NGEF: variants seen among roughly 807,000 people sequenced by gnomAD.
NGEF encodes neuronal guanine nucleotide exchange factor.
A neutral mutation model predicts 80.9 loss-of-function variants in NGEF; 31 were observed. The observed-to-expected ratio is 0.38, with a 90% confidence interval of 0.29 to 0.52. NGEF has a LOEUF of 0.52. Among genes scored for constraint, NGEF ranks in the 20% least tolerant of loss-of-function variants. The pLI, the probability that NGEF is intolerant of heterozygous loss-of-function variation, is 0.84. For missense variants in NGEF, 709 were observed against 926.2 expected, an observed-to-expected ratio of 0.77 and a Z score of 3.04; for synonymous variants, 371 against 370.2, an observed-to-expected ratio of 1.00 and a Z score of -0.03.
At chr2:232,964,633 A>G (rs1302988514) in intron 3 of NGEF, among the ~76,000 whole-genome samples, 1 of 152,216 alleles carries the variant, frequency 6.6e-6, no homozygotes, top group Non-Finnish European at 1.5e-5. Flanking sequence ...GGTTGCAGTG[A>G]ACTGAGATTT....
At chr2:232,946,290 T>G (rs1693556543) in intron 3 of NGEF, among the ~76,000 whole-genome samples, 1 of 150,862 alleles carries the variant, frequency 6.6e-6, no homozygotes, top group South Asian at 2.1e-4. Context: ...GGGGGAAGGT[T>G]GGGAAGGGGG....
chr2:232,880,370 T>TTA (rs1691456564), intron 14 of NGEF, among the ~76,000 whole-genome samples: 5 of 152,340 alleles, frequency 3.3e-5, no homozygotes, highest in South Asian at 2.1e-4. Context: ...GCATGCCCTC[T>TTA]GCAGGTCTCA....
At chr2:232,889,203 T>G (rs898113363) in intron 8 of NGEF, among the ~76,000 whole-genome samples, 1 of 152,234 alleles carries the variant, frequency 6.6e-6, no homozygotes, top group Non-Finnish European at 1.5e-5. Context: ...TCCAAATCCC[T>G]GCTGAACAGC....
intron 3 of NGEF, among the ~76,000 whole-genome samples, chr2:232,969,487 TCCTCCCTC>T (rs1261682260): frequency 8.9e-6 from 1 of 112,398 alleles, no homozygotes; most frequent in African/African-American, 3.5e-5. Context: ...CTTCCTTCCT[TCCTCCCTC>T]CCTCCCTCCC....
chr2:232,975,350 G>A (rs1035549032), intron 1 of NGEF, among the ~76,000 whole-genome samples: 36 of 152,326 alleles, frequency 2.4e-4, no homozygotes, highest in African/African-American at 7.9e-4. Flanking sequence ...CTCAGAAGAT[G>A]AGAAAGGGTT....
At chr2:233,009,450 C>T (rs1326858833) in intron 1 of NGEF, among the ~76,000 whole-genome samples, 1 of 152,104 alleles carries the variant, frequency 6.6e-6, no homozygotes, top group Non-Finnish European at 1.5e-5. Context: ...TCCAGAGTAG[C>T]TGGGACTACA....
chr2:232,991,033 A>C (rs1694639930), intron 1 of NGEF, among the ~76,000 whole-genome samples: 1 of 145,934 alleles, frequency 6.9e-6, no homozygotes, highest in Admixed American at 6.6e-5. Context: ...AAAATTCAAC[A>C]ACCCTTCATA....
chr2:232,980,645 C>A (rs897172576), intron 1 of NGEF, among the ~76,000 whole-genome samples: 1 of 152,028 alleles, frequency 6.6e-6, no homozygotes, highest in African/African-American at 2.4e-5. Context: ...ATTATAGGTG[C>A]CTATCACCGT....
At chr2:232,997,451 T>C (rs1359811958) in intron 1 of NGEF, among the ~76,000 whole-genome samples, 1 of 151,988 alleles carries the variant, frequency 6.6e-6, no homozygotes, top group Non-Finnish European at 1.5e-5. Flanking sequence ...ACTGTCAAAG[T>C]GAAGTGAAGC....
chr2:232,982,006 G>C (rs1463283144), intron 1 of NGEF, among the ~76,000 whole-genome samples: 1 of 152,198 alleles, frequency 6.6e-6, no homozygotes, highest in Non-Finnish European at 1.5e-5. Context: ...AAGTGGCAGA[G>C]CCCATTGCAG....
chr2:232,883,068 C>T (rs976357226), intron 12 of NGEF, among the ~76,000 whole-genome samples: 1 of 150,040 alleles, frequency 6.7e-6, no homozygotes, highest in African/African-American at 2.4e-5. Context: ...CACACACACA[C>T]ACACACACAC....
intron 5 of NGEF, among the ~76,000 whole-genome samples, chr2:232,903,672 T>C (rs894287825): frequency 1.3e-5 from 2 of 152,224 alleles, no homozygotes; most frequent in African/African-American, 4.8e-5. Context: ...GCTGACGTTT[T>C]AGGTAATGGC....
intron 6 of NGEF, among the ~76,000 whole-genome samples, chr2:232,893,416 C>A (rs1691946314): frequency 6.6e-6 from 1 of 152,206 alleles, no homozygotes; most frequent in Non-Finnish European, 1.5e-5. Context: ...GAGCAGCGCA[C>A]ATGGACATCT....
chr2:232,934,298 G>A (rs1693283182), intron 3 of NGEF, among the ~76,000 whole-genome samples: 1 of 151,382 alleles, frequency 6.6e-6, no homozygotes, highest in African/African-American at 2.4e-5. Context: ...GCAAACATAG[G>A]ACTGCCTGGT....
rs559728827 is a variant in NGEF, at chr2:232,932,637, G to A, written c.384-5451C>T. ...TTCAGGCAAAGTGCTGTAGTCTGGG[G>A]GCCTATAAACAACAGAAATTTATTT... is the stretch of plus-strand genomic sequence containing the variant. On this transcript the variant is annotated intron_variant, in intron 3 of 14. Coordinates refer to ENST00000264051, the MANE Select transcript of NGEF (RefSeq NM_019850.3). Among the ~76,000 whole-genome samples, 3 of 152,102 alleles carry A rather than the reference G, an allele frequency of 2.0e-5. No homozygotes were observed. The South Asian group carries it at 6.2e-4, about 32-fold the overall frequency.
intron 5 of NGEF, among the ~76,000 whole-genome samples, chr2:232,895,561 G>A (rs886305839): frequency 6.6e-5 from 10 of 151,300 alleles, no homozygotes; most frequent in Middle Eastern, 3.4e-3. Context: ...ACACACCTGA[G>A]CCCGCACAGC....
intron 5 of NGEF, among the ~76,000 whole-genome samples, chr2:232,915,142 T>C (rs550499518): frequency 3.3e-5 from 5 of 152,328 alleles, no homozygotes; most frequent in Admixed American, 3.3e-4. Flanking sequence ...AGGAGTCCTC[T>C]GGGTGCCACA....
At chr2:232,907,836 C>T (rs916130165) in intron 5 of NGEF, among the ~76,000 whole-genome samples, 1 of 152,110 alleles carries the variant, frequency 6.6e-6, no homozygotes, top group Non-Finnish European at 1.5e-5. Context: ...GGGCCGGGCA[C>T]GGTGGCTCAC....
intron 3 of NGEF, among the ~76,000 whole-genome samples, chr2:232,961,720 T>C (rs1693956956): frequency 1.3e-5 from 2 of 152,068 alleles, no homozygotes; most frequent in Non-Finnish European, 2.9e-5. Flanking sequence ...ATGGTCTCGA[T>C]CTCCTGACCT....
Sources: gnomAD v4.1 joint callset for allele counts (sites outside exome capture counted in the v4.1 genomes callset) on GRCh38, gnomAD v4.1.1 for gene constraint, MANE v1.5 for transcripts, NCBI Gene and HGNC (gene_info 2026-07-23, HGNC 2026-07-21) for gene names.